RAB17: variants seen among roughly 807,000 people sequenced by gnomAD.
RAB17 encodes the protein RAB17, member RAS oncogene family.
Under a neutral mutation model 19.3 loss-of-function variants are expected in RAB17, and 15 were observed. The ratio of observed to expected loss-of-function variants is 0.78; its 90% CI spans 0.52 to 1.20. The LOEUF (loss-of-function observed/expected upper bound fraction) is 1.20, where lower values mean the gene tolerates loss of function less well. Ranked by LOEUF, RAB17 falls within the 50% of genes most tolerant of loss-of-function variation. RAB17 has a pLI of 0.00. For missense variants in RAB17, 262 were observed against 269.3 expected (o/e 0.97, Z 0.19); for synonymous variants, 110 against 112.8 (o/e 0.97, Z 0.16).
intron 2 of RAB17, among the ~76,000 whole-genome samples, chr2:237,584,019 G>A (rs77093490): frequency 0.078 from 11,837 of 151,636 alleles, 573 homozygotes; most frequent in South Asian, 0.18. Context: ...GAGAGGGCAG[G>A]CAATTGGTAC....
chr2:237,587,791 C>T (rs530520417), intron 1 of RAB17, among the ~76,000 whole-genome samples: 396 of 139,188 alleles, frequency 2.8e-3, no homozygotes, highest in Non-Finnish European at 5.1e-3. Flanking sequence ...GCTTCAGAGA[C>T]GGATAAAAAA....
At chr2:237,583,549 G>T (rs952309813) in intron 2 of RAB17, among the ~76,000 whole-genome samples, 2 of 152,194 alleles carry the variant, frequency 1.3e-5, no homozygotes, top group Non-Finnish European at 1.5e-5. Flanking sequence ...ACACAGAGGT[G>T]CTCAATACAA....
At position 237,589,488 on chromosome 2, in the gene RAB17, C is replaced by T. The variant is rs979200176; in HGVS notation, c.-4+979G>A. On this transcript the variant is annotated intron_variant, in intron 1 of 5. Coordinates refer to ENST00000264601, the MANE Select transcript of RAB17 (RefSeq NM_022449.4). Reference sequence around the variant, plus strand: ...TATAACATTTCTACAACTATCTCAACTTGCTGAACCATTTTCCTAATACTG... The same window carrying T: ...TATAACATTTCTACAACTATCTCAATTTGCTGAACCATTTTCCTAATACTG... Among the ~76,000 whole-genome samples, 4 of 152,198 alleles carry T rather than the reference C, an allele frequency of 2.6e-5. No individual in the cohort carries two copies. In the East Asian group the frequency reaches 7.7e-4, roughly 29 times the overall value.
intron 3 of RAB17, chr2:237,577,761 T>C: frequency 1.9e-6 from 1 of 520,944 alleles, no homozygotes. Context: ...CTGACCCTAA[T>C]GCAGCACCAG....
intron 2 of RAB17, among the ~76,000 whole-genome samples, chr2:237,582,056 G>A (rs997409302): frequency 2.0e-5 from 3 of 152,268 alleles, no homozygotes; most frequent in African/African-American, 7.2e-5. Context: ...GCCCTGGCGG[G>A]GGTGGGCGGG....
rs1321125466 is a variant in RAB17, at chr2:237,575,345, C to T, written c.529+42G>A. On this transcript the variant is annotated intron_variant, in intron 5 of 5. Coordinates refer to ENST00000264601, the MANE Select transcript of RAB17 (RefSeq NM_022449.4). ...GGGACCCAGGGAAGTTGGTCAGGGA[C>T]AAGCACCTCCCCCTTGTCTGGCCCA... 5 of 1,517,556 alleles carry T rather than the reference C, an allele frequency of 3.3e-6. No individual in the cohort carries two copies. In the African/African-American group the frequency reaches 5.5e-5, roughly 17 times the overall value. The allele number at this position is 1,517,556 out of a possible 1,614,324, so 94.0% of individuals were successfully genotyped here. A position where few individuals can be genotyped will look rare whatever the true frequency, so the allele number is the denominator to read the frequency against.
chr2:237,576,751 C>T (rs765775664), intron 4 of RAB17: 6 of 470,790 alleles, frequency 1.3e-5, no homozygotes, highest in Non-Finnish European at 2.6e-5. Context: ...ACCTGGGTGA[C>T]CGCTGCCTCT....
At chr2:237,584,568 A>G (rs1053903409) in intron 2 of RAB17, among the ~76,000 whole-genome samples, 3 of 152,146 alleles carry the variant, frequency 2.0e-5, no homozygotes, top group Non-Finnish European at 4.4e-5. Context: ...ACAGAACCTT[A>G]CTCACAAAAC....
intron 4 of RAB17, chr2:237,576,745 G>A: frequency 2.1e-6 from 1 of 471,026 alleles, no homozygotes; most frequent in South Asian, 1.5e-5. Context: ...AGCGACACCT[G>A]GGTGACCGCT....
chr2:237,590,156 G>A (rs574198276), intron 1 of RAB17, among the ~76,000 whole-genome samples: 58 of 122,152 alleles, frequency 4.7e-4, no homozygotes, highest in Admixed American at 8.0e-4. Flanking sequence ...ATTACCAGAA[G>A]TTTTTTGTGT....
chr2:237,588,692 T>C (rs13390868), intron 1 of RAB17, among the ~76,000 whole-genome samples: 29,023 of 152,108 alleles, frequency 0.19, 5,253 homozygotes, highest in African/African-American at 0.48. Context: ...TACCACCTGT[T>C]CCCCTAAAAT....
rs1267984413 is a variant in RAB17 at position 237,577,373 on chromosome 2, G to A, written c.319C>T (p.Leu107Phe). The change falls in exon 4 of 6, where the codon CTC becomes TTC. Residue 107 changes from leucine to phenylalanine, a missense_variant. Transcript: ENST00000264601. ...VYDITRKDSF[L>F]KAQQWLKDLE... ...TCCTTCAGCCACTGCTGAGCCTTGAGGAAGGAATCCTAGAAAAGAAGAAAA... is the reference window on the plus strand; with the variant it reads ...TCCTTCAGCCACTGCTGAGCCTTGAAGAAGGAATCCTAGAAAAGAAGAAAA... The A allele has an allele frequency of 1.2e-6, 2 of 1,602,808 alleles. No individual in the cohort carries two copies. The highest frequency in any genetic ancestry group is 1.7e-6 in the Non-Finnish European group (2 of 1,173,990).
intron 1 of RAB17, among the ~76,000 whole-genome samples, chr2:237,588,422 G>A (rs186199371): frequency 6.6e-6 from 1 of 152,194 alleles, no homozygotes; most frequent in African/African-American, 2.4e-5. Flanking sequence ...AGCACAAACA[G>A]ACTAAGACAG....
At chr2:237,588,000 TG>T (rs1332288672) in intron 1 of RAB17, among the ~76,000 whole-genome samples, 7 of 152,234 alleles carry the variant, frequency 4.6e-5, no homozygotes, top group African/African-American at 1.7e-4. Flanking sequence ...AATGAATGAA[TG>T]AGGCCAAGCA....
At chr2:237,578,249 G>A (rs10164487) in intron 2 of RAB17, 94 bp from the exon 3 acceptor site, 1 of 1,296,006 alleles carries the variant, frequency 7.7e-7, no homozygotes, top group Non-Finnish European at 1.1e-6. Context: ...ACAGCAATGG[G>A]CTCAGAGGGA....
rs936757499 is a variant in RAB17 at position 237,590,545 on chromosome 2, C to A, written c.-82G>T. The A allele has an allele frequency of 2.0e-5, 3 of 152,420 alleles. No individual in the cohort carries two copies. The highest frequency in any genetic ancestry group is 4.4e-5 in the Non-Finnish European group (3 of 68,188). 9.4% of individuals were successfully genotyped at this position (152,420 alleles called of 1,614,324 possible). Reference sequence around the variant, plus strand: ...TCCACAGCGTTGCTACCTGTCTCCGCTTTCTCCTCTCTCTGGTCCAGGGGA... The same window carrying A: ...TCCACAGCGTTGCTACCTGTCTCCGATTTCTCCTCTCTCTGGTCCAGGGGA... On this transcript the variant is annotated 5_prime_UTR_variant, in exon 1 of 6. Coordinates refer to ENST00000264601, the MANE Select transcript of RAB17 (RefSeq NM_022449.4).
Position 237,574,746 on chromosome 2 carries a change from C to T in RAB17, c.*273G>A. On this transcript the variant is annotated 3_prime_UTR_variant, in exon 6 of 6. Transcript: ENST00000264601. The stretch of plus-strand genomic sequence containing the variant: ...TCCAGAGGCTGCCAGGCTGAGGGGG[C>T]CACCGTCCAGGTGGAACAGGCACAG... 2 of 1,324,310 alleles carry T rather than the reference C, an allele frequency of 1.5e-6. No homozygotes were observed. Among genetic ancestry groups the T allele is most frequent in the South Asian group, 1.7e-5 (1 of 58,202 alleles). The allele number at this position is 1,324,310 out of a possible 1,614,324, so 82.0% of individuals were successfully genotyped here. A position where few individuals can be genotyped will look rare whatever the true frequency, so the allele number is the denominator to read the frequency against.
Position 237,590,480 on chromosome 2 carries a change from C to T in RAB17, c.-17G>A, listed in dbSNP as rs1455163899. On this transcript the variant is annotated 5_prime_UTR_variant, in exon 1 of 6. Coordinates refer to ENST00000264601, the MANE Select transcript of RAB17 (RefSeq NM_022449.4). ...ACAATGACTCACCTGTTCCCCAGGCCCGGTCACTTGCAGGGAGCTGAAGAG... is the reference window on the plus strand; with the variant it reads ...ACAATGACTCACCTGTTCCCCAGGCTCGGTCACTTGCAGGGAGCTGAAGAG... 6.6e-6 allele frequency: 1 copy of T among 152,344 alleles called. No individual in the cohort carries two copies. The highest frequency in any genetic ancestry group is 2.4e-5 in the African/African-American group (1 of 41,430). The allele number at this position is 152,344 out of a possible 1,614,324, so 9.4% of individuals were successfully genotyped here. A position where few individuals can be genotyped will look rare whatever the true frequency, so the allele number is the denominator to read the frequency against.
chr2:237,580,991 G>A (rs2081304013), intron 2 of RAB17, among the ~76,000 whole-genome samples: 1 of 152,198 alleles, frequency 6.6e-6, no homozygotes, highest in African/African-American at 2.4e-5. Context: ...TGCACTCCGT[G>A]GCTCTGACCC....
Sources: gnomAD v4.1 joint callset for allele counts (sites outside exome capture counted in the v4.1 genomes callset) on GRCh38, gnomAD v4.1.1 for gene constraint, MANE v1.5 for transcripts, NCBI Gene and HGNC (gene_info 2026-07-23, HGNC 2026-07-21) for gene names.